Variants in TJP1 observed in about 807,000 individuals in gnomAD.
TJP1 encodes the protein tight junction protein 1, also known as tight junction protein ZO-1.
Under a neutral mutation model 194.2 loss-of-function variants are expected in TJP1, and 43 were observed. That is an observed-to-expected ratio of 0.22 (90% CI 0.17 to 0.29). The LOEUF (loss-of-function observed/expected upper bound fraction) is 0.29. Ranked by LOEUF, TJP1 falls within the 10% of genes least tolerant of loss-of-function variation. The probability of loss-of-function intolerance (pLI) is 1.00; values close to 1 mark genes in which losing one functional copy is unlikely to be tolerated. For missense variants in TJP1, 1,971 were observed against 2,185.7 expected (o/e 0.90, Z 1.96); for synonymous variants, 801 against 779.0 (o/e 1.03, Z -0.47).
chr15:29,872,038 G>A (rs2052543677), intron 2 of TJP1, among the ~76,000 whole-genome samples: 1 of 152,214 alleles, frequency 6.6e-6, no homozygotes, highest in South Asian at 2.1e-4. Context: ...AGGAAGGCCA[G>A]GCATTTACAC....
At chr15:29,818,911 A>ACTG (rs2151993678) in intron 1 of TJP1, among the ~76,000 whole-genome samples, 1 of 151,378 alleles carries the variant, frequency 6.6e-6, no homozygotes, top group South Asian at 2.1e-4. Flanking sequence ...TCCGCCTTCC[A>ACTG]GGTTCAAGCA....
intron 2 of TJP1, among the ~76,000 whole-genome samples, chr15:29,794,813 A>C (rs1359441975): frequency 3.3e-5 from 5 of 152,212 alleles, no homozygotes; most frequent in African/African-American, 9.6e-5. Flanking sequence ...TTCCAGTAAA[A>C]AAAACTATCA....
rs936583068 is a variant in TJP1 at position 29,719,762 on chromosome 15, C to T, written c.3003+15G>A. On this transcript the variant is annotated intron_variant, in intron 20 of 27. Transcript: ENST00000614355. ...TGGACAGCAACAAATTAGTGCAACA[C>T]CGCAGCACAGGTACCTTTGTTGGAT... The T allele has an allele frequency of 8.7e-6, 14 of 1,608,176 alleles. No homozygotes were observed. In the African/African-American group the frequency reaches 1.9e-4, roughly 22 times the overall value.
At chr15:29,947,626 C>T (rs1022248199) in intron 2 of TJP1, among the ~76,000 whole-genome samples, 1 of 152,168 alleles carries the variant, frequency 6.6e-6, no homozygotes, top group Non-Finnish European at 1.5e-5. Context: ...TCCCTTAGAA[C>T]AGAAAATGGC....
At chr15:29,733,339 T>A in intron 12 of TJP1, 26 bp from the exon 13 acceptor site, 1 of 1,469,142 alleles carries the variant, frequency 6.8e-7, no homozygotes, top group Non-Finnish European at 9.4e-7. Flanking sequence ...ACAAACACAT[T>A]ATCAATATTT....
intron 1 of TJP1, among the ~76,000 whole-genome samples, chr15:29,816,349 T>C (rs1463062001): frequency 6.6e-6 from 1 of 152,164 alleles, no homozygotes; most frequent in East Asian, 1.9e-4. Flanking sequence ...TAATATAATG[T>C]AATTTGTGCC....
chr15:29,703,638 C>T (rs750823505), intron 27 of TJP1, among the ~76,000 whole-genome samples: 16 of 151,594 alleles, frequency 1.1e-4, no homozygotes, highest in Non-Finnish European at 2.1e-4. Context: ...AATATTTGGC[C>T]ATATTATCAA....
chr15:29,747,603 T>C (rs1366528987), intron 8 of TJP1, among the ~76,000 whole-genome samples: 3 of 152,224 alleles, frequency 2.0e-5, no homozygotes, highest in Non-Finnish European at 2.9e-5. Flanking sequence ...CAGATTTCTA[T>C]TGCTCTGTAC....
At chr15:29,858,322 G>T (rs113490025) in intron 2 of TJP1, among the ~76,000 whole-genome samples, 1 of 152,082 alleles carries the variant, frequency 6.6e-6, no homozygotes, top group Non-Finnish European at 1.5e-5. Context: ...GATAGCTTGA[G>T]CCCAGGAGGC....
At chr15:29,897,110 G>GC (rs1232082839) in intron 2 of TJP1, among the ~76,000 whole-genome samples, 1 of 152,180 alleles carries the variant, frequency 6.6e-6, no homozygotes, top group African/African-American at 2.4e-5. Context: ...TCACAGCAGT[G>GC]CCCCCTCCCT....
At chr15:29,836,359 G>A (rs1056853860) in intron 2 of TJP1, among the ~76,000 whole-genome samples, 6 of 151,246 alleles carry the variant, frequency 4.0e-5, no homozygotes, top group Non-Finnish European at 7.4e-5. Context: ...TGCAAGCTCC[G>A]CCTCCCGGGT....
At chr15:29,722,787 C>T (rs558094236) in intron 18 of TJP1, among the ~76,000 whole-genome samples, 13 of 152,310 alleles carry the variant, frequency 8.5e-5, no homozygotes, top group East Asian at 1.9e-4. Context: ...CTGTGCCCTG[C>T]GTGGCTACAG....
At chr15:29,899,712 C>G (rs1252366527) in intron 2 of TJP1, among the ~76,000 whole-genome samples, 1 of 152,188 alleles carries the variant, frequency 6.6e-6, no homozygotes, top group Non-Finnish European at 1.5e-5. Flanking sequence ...ATAAAGTTGT[C>G]AGTTTTCTTT....
intron 2 of TJP1, among the ~76,000 whole-genome samples, chr15:29,872,555 T>C (rs78739912): frequency 0.014 from 2,199 of 152,282 alleles, 58 homozygotes; most frequent in African/African-American, 0.05. Flanking sequence ...TTCAGAATTG[T>C]TTTGAAACTA....
chr15:29,821,384 T>C (rs2050332906), intron 1 of TJP1: 2 of 152,240 alleles, frequency 1.3e-5, no homozygotes, highest in Admixed American at 6.5e-5. Flanking sequence ...AGTTAAATTA[T>C]TAAATGTTAA....
intron 1 of TJP1, among the ~76,000 whole-genome samples, chr15:29,807,444 C>CTTTA (rs1216221181): frequency 6.6e-6 from 1 of 152,146 alleles, no homozygotes; most frequent in Non-Finnish European, 1.5e-5. Context: ...ATAGCATCTT[C>CTTTA]TAAAGGTTGA....
chr15:29,748,945 T>C (rs34349814), intron 8 of TJP1, among the ~76,000 whole-genome samples: 3 of 32,840 alleles, frequency 9.1e-5, no homozygotes, highest in Non-Finnish European at 1.8e-4. Flanking sequence ...TGTGTGTGTG[T>C]GTGTGTGTGC....
rs563535771 is a variant in TJP1 at position 29,955,753 on chromosome 15, T to TAAAAAAAAA, written c.306+470_306+478dup. ...GCAACAGAAGGAGACCCTGGCTCTT[T>TAAAAAAAAA]AAAAAAAAAAAAAAAAAAAAAAAAA... On this transcript the variant is annotated intron_variant, in intron 2 of 28. Coordinates refer to the TJP1 transcript ENST00000356107. 5.5e-3 allele frequency among the ~76,000 whole-genome samples: 196 copies of TAAAAAAAAA among 35,776 alleles called. 7 individuals are homozygous for TAAAAAAAAA. Among genetic ancestry groups the TAAAAAAAAA allele is most frequent in the East Asian group, 0.014 (13 of 922 alleles). 23.5% of individuals were successfully genotyped at this position (35,776 alleles called of 152,430 possible). A position where few individuals can be genotyped will look rare whatever the true frequency, so the allele number is the denominator to read the frequency against.
chr15:29,859,057 T>C (rs904228500), intron 2 of TJP1, among the ~76,000 whole-genome samples: 3 of 152,138 alleles, frequency 2.0e-5, no homozygotes, highest in Non-Finnish European at 4.4e-5. Context: ...TGAGGATTGA[T>C]TGTGGACTAT....
Sources: gnomAD v4.1 joint callset for allele counts (sites outside exome capture counted in the v4.1 genomes callset) on GRCh38, gnomAD v4.1.1 for gene constraint, MANE v1.5 for transcripts, NCBI Gene and HGNC (gene_info 2026-07-23, HGNC 2026-07-21) for gene names.